The following TRPM3 variants were observed in gnomAD, a reference collection of about 807,000 sequenced individuals.
TRPM3 encodes long transient receptor potential channel 3.
Under a neutral mutation model 181.2 loss-of-function variants are expected in TRPM3, and 77 were observed. The ratio of observed to expected loss-of-function variants is 0.42; its 90% confidence interval spans 0.35 to 0.51. TRPM3 has a LOEUF of 0.51. TRPM3 is among the 20% of genes least tolerant of loss of function. TRPM3 has a pLI of 0.01. For synonymous variants in TRPM3, 745 were observed against 796.4 expected, an observed-to-expected ratio of 0.94 and a Z score of 1.09; for missense variants, 1,759 against 2,196.7, an observed-to-expected ratio of 0.80 and a Z score of 3.98.
At chr9:70,683,916 C>T (rs887828568) in intron 8 of TRPM3, among the ~76,000 whole-genome samples, 3 of 152,190 alleles carry the variant, frequency 2.0e-5, no homozygotes, top group Non-Finnish European at 2.9e-5. Flanking sequence ...TTTAAGTCAA[C>T]TCTTTACGCC....
At chr9:71,252,674 T>A (rs1035494282) in intron 1 of TRPM3, among the ~76,000 whole-genome samples, 2 of 151,754 alleles carry the variant, frequency 1.3e-5, no homozygotes, top group African/African-American at 2.4e-5. Context: ...ATAGAAAGAC[T>A]TTTTCTTTCT....
intron 11 of TRPM3, 121 bp from the exon 12 acceptor site, chr9:70,635,382 GTTCT>G: frequency 1.5e-6 from 1 of 685,888 alleles, no homozygotes; most frequent in South Asian, 1.8e-5. Flanking sequence ...GATGGACCTT[GTTCT>G]AGTTGCTCAG....
chr9:70,741,960 A>C (rs2074202949), intron 8 of TRPM3, among the ~76,000 whole-genome samples: 1 of 152,182 alleles, frequency 6.6e-6, no homozygotes, highest in Admixed American at 6.6e-5. Flanking sequence ...CTGTTCCCCC[A>C]AAAACCTATT....
intron 1 of TRPM3, among the ~76,000 whole-genome samples, chr9:70,981,716 A>C (rs1185562684): frequency 6.6e-6 from 1 of 152,192 alleles, no homozygotes; most frequent in Non-Finnish European, 1.5e-5. Flanking sequence ...GCTCGTTGTA[A>C]GTACTCAATT....
intron 1 of TRPM3, among the ~76,000 whole-genome samples, chr9:70,970,156 G>T (rs1564871168): frequency 2.0e-5 from 3 of 152,080 alleles, no homozygotes; most frequent in African/African-American, 7.2e-5. Flanking sequence ...TTTATATGGG[G>T]ATGTTAGAAC....
At chr9:70,673,345 C>T (rs1419742649) in intron 9 of TRPM3, among the ~76,000 whole-genome samples, 1 of 151,840 alleles carries the variant, frequency 6.6e-6, no homozygotes, top group Non-Finnish European at 1.5e-5. Context: ...CACCAAGAAA[C>T]AAGTGCATTT....
chr9:71,146,691 C>G (rs575531678), intron 1 of TRPM3, among the ~76,000 whole-genome samples: 2 of 152,098 alleles, frequency 1.3e-5, no homozygotes, highest in Admixed American at 1.3e-4. Context: ...GTGCCCTAGA[C>G]GCCATTACTG....
chr9:71,280,371 T>C (rs2084609571), intron 1 of TRPM3, among the ~76,000 whole-genome samples: 1 of 152,128 alleles, frequency 6.6e-6, no homozygotes, highest in Non-Finnish European at 1.5e-5. Flanking sequence ...ATTCCCCACA[T>C]GGAAAATTTC....
At chr9:71,030,289 G>C (rs1259942567) in intron 1 of TRPM3, among the ~76,000 whole-genome samples, 1 of 152,224 alleles carries the variant, frequency 6.6e-6, no homozygotes, top group East Asian at 1.9e-4. Context: ...TGCAGACCAG[G>C]CACTGTGGCT....
chr9:71,251,806 C>G (rs1336778527), intron 1 of TRPM3, among the ~76,000 whole-genome samples: 1 of 152,084 alleles, frequency 6.6e-6, no homozygotes, highest in East Asian at 1.9e-4. Flanking sequence ...TTATTCATTT[C>G]TATTTTGTTT....
At chr9:71,384,306 C>T (rs143817773) in intron 1 of TRPM3, among the ~76,000 whole-genome samples, 51 of 152,184 alleles carry the variant, frequency 3.4e-4, no homozygotes, top group African/African-American at 1.1e-3. Context: ...TTTGGTAGTA[C>T]AAATATTTAA....
chr9:70,694,384 G>T (rs978120423), intron 8 of TRPM3, among the ~76,000 whole-genome samples: 2 of 152,180 alleles, frequency 1.3e-5, no homozygotes, highest in Non-Finnish European at 2.9e-5. Context: ...TAGAAAATCA[G>T]CATTAGGGCA....
intron 1 of TRPM3, among the ~76,000 whole-genome samples, chr9:71,384,629 A>C (rs1039544858): frequency 3.9e-5 from 6 of 152,180 alleles, no homozygotes; most frequent in African/African-American, 1.4e-4. Flanking sequence ...CATAGATACC[A>C]CTGAAATTTT....
chr9:71,427,486 C>G (rs773280683), intron 1 of TRPM3, among the ~76,000 whole-genome samples: 7 of 151,958 alleles, frequency 4.6e-5, no homozygotes, highest in Non-Finnish European at 1.0e-4. Flanking sequence ...GTTATCCTCA[C>G]TAGCAAAGAC....
At chr9:71,137,415 T>C (rs2074834832) in intron 1 of TRPM3, among the ~76,000 whole-genome samples, 2 of 152,186 alleles carry the variant, frequency 1.3e-5, no homozygotes. Flanking sequence ...AGTCAATACA[T>C]AAGACCAGCT....
chr9:71,296,336 A>G (rs549441536), intron 1 of TRPM3, among the ~76,000 whole-genome samples: 31 of 152,322 alleles, frequency 2.0e-4, no homozygotes, highest in African/African-American at 6.3e-4. Flanking sequence ...ATAATAAACA[A>G]GTAGACAAAA....
intron 1 of TRPM3, among the ~76,000 whole-genome samples, chr9:70,957,029 C>T (rs2097083253): frequency 6.8e-6 from 1 of 146,260 alleles, no homozygotes; most frequent in East Asian, 2.1e-4. Context: ...GGCATGATCT[C>T]GGCTCACTGC....
chr9:71,377,433 T>C (rs2092692583), intron 1 of TRPM3, among the ~76,000 whole-genome samples: 2 of 152,110 alleles, frequency 1.3e-5, no homozygotes, highest in South Asian at 2.1e-4. Flanking sequence ...ATGTAAAATA[T>C]AATTATTGGC....
intron 1 of TRPM3, among the ~76,000 whole-genome samples, chr9:70,908,741 C>G (rs2096500817): frequency 6.6e-6 from 1 of 152,156 alleles, no homozygotes; most frequent in African/African-American, 2.4e-5. Flanking sequence ...TAGAAAGCTA[C>G]AGTAATTAAG....
Sources: gnomAD v4.1 joint callset for allele counts (sites outside exome capture counted in the v4.1 genomes callset) on GRCh38, gnomAD v4.1.1 for gene constraint, MANE v1.5 for transcripts, NCBI Gene and HGNC (gene_info 2026-07-23, HGNC 2026-07-21) for gene names.